The following SLC24A3 variants were observed in gnomAD, a reference collection of about 807,000 sequenced individuals.
SLC24A3 encodes the protein sodium/potassium/calcium exchanger 3.
Under a neutral mutation model 75.8 loss-of-function variants are expected in SLC24A3, and 28 were observed. The ratio of observed to expected loss-of-function variants is 0.37; its 90% CI spans 0.27 to 0.51. The LOEUF (loss-of-function observed/expected upper bound fraction) is 0.51, where lower values mean the gene tolerates loss of function less well. Ranked by LOEUF, SLC24A3 falls within the 20% of genes least tolerant of loss-of-function variation. The pLI is 0.94. For synonymous variants in SLC24A3, 372 were observed against 334.1 expected, an observed-to-expected ratio of 1.11 and a Z score of -1.24; for missense variants, 663 against 847.8, an observed-to-expected ratio of 0.78 and a Z score of 2.71.
At position 19,471,312 on chromosome 20, in the gene SLC24A3, G is replaced by A. The variant is rs1987865553; in HGVS notation, c.272-44176G>A. ...CTGTTTTGGTCAGTCCATGAATATG[G>A]TCCTGACAGATTCACAGAAACTGCC... On this transcript the variant is annotated intron_variant, in intron 2 of 16. Coordinates refer to ENST00000328041, the MANE Select transcript of SLC24A3 (RefSeq NM_020689.4). Among the ~76,000 whole-genome samples, 4 of 152,174 alleles carry A rather than the reference G, an allele frequency of 2.6e-5. No homozygotes were observed. In the South Asian group the frequency reaches 8.3e-4, roughly 32 times the overall value.
chr20:19,281,112 C>G (rs775596542), intron 2 of SLC24A3, 25 bp downstream of exon 2: 18 of 1,612,166 alleles, frequency 1.1e-5, no homozygotes, highest in Non-Finnish European at 1.5e-5. Flanking sequence ...TACTCATGGG[C>G]AGCAGCTGTC....
intron 6 of SLC24A3, among the ~76,000 whole-genome samples, chr20:19,598,753 A>G (rs192661056): frequency 1.1e-4 from 17 of 152,254 alleles, no homozygotes; most frequent in African/African-American, 3.8e-4. Context: ...GATATTGGTC[A>G]TTATACAGTA....
At chr20:19,470,350 G>C (rs1403096787) in intron 2 of SLC24A3, among the ~76,000 whole-genome samples, 7 of 152,192 alleles carry the variant, frequency 4.6e-5, no homozygotes, top group Non-Finnish European at 8.8e-5. Flanking sequence ...AGCAACTCCA[G>C]GTATAGGATT....
At chr20:19,409,847 G>GTGTA (rs552951932) in intron 2 of SLC24A3, among the ~76,000 whole-genome samples, 24 of 146,282 alleles carry the variant, frequency 1.6e-4, no homozygotes, top group East Asian at 1.0e-3. Context: ...GTGTGTGTGT[G>GTGTA]TATATATATA....
rs776159561 is a variant in SLC24A3 at position 19,698,641 on chromosome 20, C to T, written c.1680C>T (p.Pro560=). 13 of 1,592,692 alleles carry T rather than the reference C, an allele frequency of 8.2e-6. No individual in the cohort carries two copies. Among genetic ancestry groups the T allele is most frequent in the Non-Finnish European group, 1.1e-5 (13 of 1,167,564 alleles). The change falls in exon 15 of 17, where the codon CCC becomes CCT. Residue 560 remains proline, a synonymous_variant. Coordinates refer to ENST00000328041, the MANE Select transcript of SLC24A3 (RefSeq NM_020689.4). The part of the protein sequence containing the change: ...VFDILIGLGL[P]WALQTLAVDY... The stretch of plus-strand genomic sequence containing the variant: ...ACATCCTGATTGGCCTCGGTCTCCC[C>T]TGGGCTCTGCAGACCCTGGCTGTGG...
At chr20:19,684,912 A>G (rs967865534) in intron 11 of SLC24A3, among the ~76,000 whole-genome samples, 188 bp from the exon 12 acceptor site, 4 of 152,174 alleles carry the variant, frequency 2.6e-5, no homozygotes, top group African/African-American at 9.7e-5. Context: ...TAAAAGACTA[A>G]TCTTTCCTCC....
chr20:19,519,497 T>TA (rs1568642480), intron 3 of SLC24A3, among the ~76,000 whole-genome samples: 2 of 152,200 alleles, frequency 1.3e-5, no homozygotes, highest in Admixed American at 6.5e-5. Context: ...GTGTGCTTTT[T>TA]AAAAAAGGTT....
chr20:19,534,441 C>T (rs1252706576), intron 3 of SLC24A3, among the ~76,000 whole-genome samples: 1 of 11,572 alleles, frequency 8.6e-5, no homozygotes, highest in Non-Finnish European at 2.7e-4. Context: ...GACGGAGTCT[C>T]GCTCTGTCAC....
At chr20:19,639,670 G>C (rs985981107) in intron 6 of SLC24A3, among the ~76,000 whole-genome samples, 9 of 152,238 alleles carry the variant, frequency 5.9e-5, no homozygotes, top group East Asian at 3.9e-4. Context: ...ACTGGGTGCC[G>C]AGGAGCAGGG....
intron 2 of SLC24A3, among the ~76,000 whole-genome samples, chr20:19,288,562 C>A (rs1983866277): frequency 6.6e-6 from 1 of 152,156 alleles, no homozygotes; most frequent in Admixed American, 6.5e-5. Context: ...TTAGACATTT[C>A]AAAGCATTTT....
intron 16 of SLC24A3, 113 bp from the exon 17 acceptor site, chr20:19,720,878 G>A (rs1386403814): frequency 5.8e-6 from 7 of 1,216,270 alleles, no homozygotes; most frequent in East Asian, 5.0e-5. Flanking sequence ...TCAGCACCCT[G>A]CCCGAGGCCC....
chr20:19,258,651 G>C (rs921246987), intron 1 of SLC24A3, among the ~76,000 whole-genome samples: 31 of 152,304 alleles, frequency 2.0e-4, no homozygotes, highest in African/African-American at 6.3e-4. Context: ...GCAGTGAGCT[G>C]AGATCGCGCC....
At chr20:19,639,547 A>G (rs1299013045) in intron 6 of SLC24A3, among the ~76,000 whole-genome samples, 1 of 152,236 alleles carries the variant, frequency 6.6e-6, no homozygotes, top group Non-Finnish European at 1.5e-5. Flanking sequence ...CACCAGACTC[A>G]GGAGCCCAGC....
chr20:19,699,232 C>G (rs183636443), intron 15 of SLC24A3, among the ~76,000 whole-genome samples: 1 of 152,238 alleles, frequency 6.6e-6, no homozygotes, highest in African/African-American at 2.4e-5. Flanking sequence ...CTTGCTTCAC[C>G]TTATTACAGG....
chr20:19,543,915 C>A (rs1051070127), intron 3 of SLC24A3, among the ~76,000 whole-genome samples: 19 of 152,148 alleles, frequency 1.2e-4, no homozygotes, highest in Admixed American at 1.3e-4. Context: ...AGTGCTGCCT[C>A]CTTTGGAACA....
intron 6 of SLC24A3, among the ~76,000 whole-genome samples, chr20:19,622,195 T>C (rs2031812911): frequency 6.6e-6 from 1 of 152,112 alleles, no homozygotes; most frequent in Admixed American, 6.5e-5. Context: ...AATCAGAGGC[T>C]TGGTGCAGAA....
chr20:19,259,511 A>G (rs568886727), intron 1 of SLC24A3, among the ~76,000 whole-genome samples: 8 of 152,330 alleles, frequency 5.3e-5, no homozygotes, highest in Admixed American at 1.3e-4. Flanking sequence ...CGACACCTGA[A>G]GATTGGCGAC....
intron 15 of SLC24A3, among the ~76,000 whole-genome samples, chr20:19,699,908 A>G (rs2032851933): frequency 6.6e-6 from 1 of 152,212 alleles, no homozygotes; most frequent in Non-Finnish European, 1.5e-5. Context: ...CCCAGCATAG[A>G]TACCAGGTAG....
intron 1 of SLC24A3, among the ~76,000 whole-genome samples, chr20:19,260,842 G>T (rs868812725): frequency 4.6e-5 from 7 of 152,144 alleles, no homozygotes; most frequent in Admixed American, 3.9e-4. Flanking sequence ...AACCCCCTCC[G>T]GCATGGACCG....
Sources: allele counts gnomAD v4.1 joint callset (sites outside exome capture counted in the v4.1 genomes callset), GRCh38; gene constraint gnomAD v4.1.1; transcripts MANE v1.5; gene names NCBI Gene and HGNC (gene_info 2026-07-23, HGNC 2026-07-21).